TG: variants seen among roughly 807,000 people sequenced by gnomAD.
TG encodes the protein thyroid hormones.
TG carries 270 observed loss-of-function variants against 324.7 expected under a neutral mutation model. The ratio of observed to expected loss-of-function variants is 0.83; its 90% CI spans 0.75 to 0.92. The LOEUF (loss-of-function observed/expected upper bound fraction) is 0.92. Ranked by LOEUF, TG falls within the 40% of genes least tolerant of loss-of-function variation. The pLI is 0.00. For missense variants in TG, 3,591 were observed against 3,456.4 expected, an observed-to-expected ratio of 1.04 and a Z score of -0.98; for synonymous variants, 1,401 against 1,327.0, an observed-to-expected ratio of 1.06 and a Z score of -1.21.
chr8:133,024,550 C>T (rs1835895868), intron 40 of TG, among the ~76,000 whole-genome samples: 1 of 151,566 alleles, frequency 6.6e-6, no homozygotes, highest in African/African-American at 2.4e-5. Flanking sequence ...CTAATGCTCT[C>T]CCTCCCCTTG....
intron 32 of TG, among the ~76,000 whole-genome samples, chr8:132,971,365 C>T (rs1829498924): frequency 6.6e-6 from 1 of 152,160 alleles, no homozygotes; most frequent in Non-Finnish European, 1.5e-5. Flanking sequence ...GCTGGGTCAC[C>T]CTGACTGTAA....
chr8:132,928,343 C>A (rs569025717), intron 22 of TG, among the ~76,000 whole-genome samples: 1 of 152,188 alleles, frequency 6.6e-6, no homozygotes, highest in African/African-American at 2.4e-5. Flanking sequence ...GACAGTTACC[C>A]GTAAGACTGC....
At chr8:133,107,165 A>G (rs1253328582) in intron 43 of TG, among the ~76,000 whole-genome samples, 1 of 152,188 alleles carries the variant, frequency 6.6e-6, no homozygotes, top group East Asian at 1.9e-4. Flanking sequence ...AGACAGGCAT[A>G]TCCACTGAAC....
chr8:132,896,850 A>G (rs1817186251), intron 11 of TG, among the ~76,000 whole-genome samples: 1 of 152,176 alleles, frequency 6.6e-6, no homozygotes, highest in Non-Finnish European at 1.5e-5. Context: ...ATAAATGGGA[A>G]CACTATGTAC....
intron 26 of TG, among the ~76,000 whole-genome samples, chr8:132,948,184 C>CT (rs1413648304): frequency 1.3e-5 from 2 of 151,590 alleles, no homozygotes; most frequent in Non-Finnish European, 2.9e-5. Flanking sequence ...CTCCGTCCCC[C>CT]CCCAAAAAAA....
rs185186162 is a variant in TG at position 132,977,983 on chromosome 8, G to T, written c.6199+5242G>T. ...TCTGGCTAAGGAGACAGATGTTAAA[G>T]AAAACAAACCTTTCTTAAGCATTAC... On this transcript the variant is annotated intron_variant, in intron 34 of 47. Transcript: ENST00000220616. Among the ~76,000 whole-genome samples the T allele has an allele frequency of 3.3e-3, 508 of 152,306 alleles. 4 individuals are homozygous for T. The highest frequency in any genetic ancestry group is 4.5e-3 in the Non-Finnish European group (305 of 68,036).
chr8:133,118,867 C>T (rs765657171), intron 45 of TG, among the ~76,000 whole-genome samples: 4 of 152,116 alleles, frequency 2.6e-5, no homozygotes, highest in Admixed American at 6.5e-5. Flanking sequence ...AGGATCTTGG[C>T]GTGGGGAGAT....
intron 35 of TG, among the ~76,000 whole-genome samples, chr8:132,986,322 T>A (rs1191973292): frequency 1.3e-5 from 2 of 150,262 alleles, no homozygotes; most frequent in Non-Finnish European, 3.0e-5. Flanking sequence ...TATGTGTGTG[T>A]GTGTATATAT....
At chr8:133,021,224 G>C (rs563965649) in intron 39 of TG, among the ~76,000 whole-genome samples, 1 of 152,180 alleles carries the variant, frequency 6.6e-6, no homozygotes, top group African/African-American at 2.4e-5. Flanking sequence ...GTAAACACTT[G>C]GCACAGTGCC....
chr8:133,045,253 C>T (rs1587860828), intron 41 of TG: 1 of 780,926 alleles, frequency 1.3e-6, no homozygotes. Flanking sequence ...TGCAGCCCCT[C>T]CCTCCACTAG....
intron 24 of TG, 50 bp downstream of exon 24, chr8:132,933,726 A>C: frequency 6.4e-7 from 1 of 1,559,932 alleles, no homozygotes; most frequent in Non-Finnish European, 8.8e-7. Flanking sequence ...GCTGTGGATC[A>C]GATGTGCTCT....
intron 40 of TG, among the ~76,000 whole-genome samples, chr8:133,027,080 T>A (rs2130971977): frequency 6.6e-6 from 1 of 152,266 alleles, no homozygotes; most frequent in Admixed American, 6.5e-5. Flanking sequence ...TGCAGCCGGC[T>A]GGTGTGGTTC....
Position 132,933,556 on chromosome 8 carries a change from T to G in TG, c.4817-5T>G, listed in dbSNP as rs1823117971. The G allele has an allele frequency of 4.3e-6, 7 of 1,613,730 alleles. No homozygotes were observed. Among genetic ancestry groups the G allele is most frequent in the Non-Finnish European group, 5.9e-6 (7 of 1,179,794 alleles). On this transcript the variant is annotated splice_region_variant and splice_polypyrimidine_tract_variant and intron_variant, in intron 23 of 47. Transcript: ENST00000220616. ...AGGTGAGTGACCGTCCCATGGTGCT[T>G]GCAGATTGCACAGAGGACGAGGCCT...
chr8:132,965,048 G>T (rs1587605252), intron 29 of TG: 2 of 657,450 alleles, frequency 3.0e-6, no homozygotes, highest in East Asian at 5.4e-5. Flanking sequence ...TTTCTTGAGG[G>T]GCAATCTGTG....
rs368645272 is a variant in TG, at chr8:133,047,965, G to A, written c.7239+17942G>A. 6.0e-5 allele frequency: 82 copies of A among 1,373,818 alleles called. 1 individual carries two copies. Among genetic ancestry groups the A allele is most frequent in the Non-Finnish European group, 6.7e-5 (65 of 967,098 alleles). 85.1% of individuals were successfully genotyped at this position (1,373,818 alleles called of 1,614,324 possible). On this transcript the variant is annotated intron_variant, in intron 41 of 47. Transcript: ENST00000220616. ...AGGAGGAAGACAGCCATTAGGATCC[G>A]GAACAAGCCCTCCCCCAGGAAAGGC...
At chr8:132,998,463 C>T (rs934305932) in intron 35 of TG, among the ~76,000 whole-genome samples, 3 of 152,208 alleles carry the variant, frequency 2.0e-5, no homozygotes, top group Non-Finnish European at 4.4e-5. Flanking sequence ...AATTTCTTTG[C>T]CCATGCTCAG....
intron 41 of TG, among the ~76,000 whole-genome samples, chr8:133,067,073 G>C (rs908705928): frequency 6.6e-6 from 1 of 152,132 alleles, no homozygotes; most frequent in South Asian, 2.1e-4. Context: ...CCTGTGGTCT[G>C]ACCCTTCCTT....
chr8:132,972,947 G>C (rs967047437), intron 34 of TG, among the ~76,000 whole-genome samples: 1 of 152,148 alleles, frequency 6.6e-6, no homozygotes, highest in Non-Finnish European at 1.5e-5. Flanking sequence ...GAGCAACTAG[G>C]TCTCAGTAAA....
intron 41 of TG, among the ~76,000 whole-genome samples, chr8:133,066,187 G>C (rs977342636): frequency 2.0e-5 from 3 of 152,024 alleles, no homozygotes; most frequent in African/African-American, 7.2e-5. Context: ...TTAGCCGGGC[G>C]TGGTGGCAGG....
Sources: allele counts gnomAD v4.1 joint callset (sites outside exome capture counted in the v4.1 genomes callset), GRCh38; gene constraint gnomAD v4.1.1; transcripts MANE v1.5; gene names NCBI Gene and HGNC (gene_info 2026-07-23, HGNC 2026-07-21).